The following FRMD8 variants were observed in gnomAD, a reference collection of about 807,000 sequenced individuals.
The protein encoded by FRMD8 is FERM domain containing 8, also known as FERM domain-containing protein 8.
Under a neutral mutation model 54.2 loss-of-function variants are expected in FRMD8, and 37 were observed. The ratio of observed to expected loss-of-function variants is 0.68; its 90% confidence interval spans 0.53 to 0.90. The LOEUF is 0.90. Ranked by LOEUF, FRMD8 falls within the 40% of genes least tolerant of loss-of-function variation. The pLI is 0.00. For missense variants in FRMD8, 585 were observed against 653.7 expected (o/e 0.89, Z 1.15); for synonymous variants, 246 against 286.9 (o/e 0.86, Z 1.44).
chr11:65,377,052 G>A, the FRMD8 span: 3 of 1,613,998 alleles, frequency 1.9e-6, no homozygotes, highest in Non-Finnish European at 2.5e-6. Context: ...ACTTTGATGA[G>A]GTCAAAAGGA....
At chr11:65,410,674 C>T (rs1308991693) in intron 10 of FRMD8, among the ~76,000 whole-genome samples, 1 of 152,150 alleles carries the variant, frequency 6.6e-6, no homozygotes, top group Non-Finnish European at 1.5e-5. Context: ...CCTGTAGTCC[C>T]AGCTTCTCAG....
the FRMD8 span, chr11:65,376,461 G>A: frequency 2.2e-5 from 35 of 1,614,202 alleles, no homozygotes; most frequent in East Asian, 2.2e-5. Flanking sequence ...CAGCATTGAC[G>A]GGAAAGGCGC....
At position 65,405,050 on chromosome 11, in the gene FRMD8, A is replaced by C; in HGVS notation, c.1258A>C (p.Ile420Leu). The change falls in exon 10 of 11, where the codon ATC (isoleucine) becomes CTC (leucine). Residue 420 changes from isoleucine (I) to leucine (L), a missense_variant. Transcript: ENST00000317568. ...CAGCCGGATCCAGCATCTCTCCACC[A>C]TCGACTACGTGGAGGACGGTGAGCA... ...VSSRIQHLST[I>L]DYVEDGKGIR... 6.2e-7 allele frequency: 1 copy of C among 1,613,330 alleles called. No homozygotes were observed. The highest frequency in any genetic ancestry group is 8.5e-7 in the Non-Finnish European group (1 of 1,179,864).
rs564427858 is a variant in FRMD8, at chr11:65,404,624, C to T, written c.1072-240C>T. ...AGCCTTCCTGGGCTGTGCCTTCTGACCAGAATGTTCTTTCTTTCCCACCTG... is the reference window on the plus strand; with the variant it reads ...AGCCTTCCTGGGCTGTGCCTTCTGATCAGAATGTTCTTTCTTTCCCACCTG... On this transcript the variant is annotated intron_variant, in intron 9 of 10. Transcript: ENST00000317568. This position sits in a 1 kb window ranked among gnomAD's most constrained non-coding sequence, Gnocchi z 4.7. Among the ~76,000 whole-genome samples the T allele has an allele frequency of 2.4e-4, 37 of 152,026 alleles. No homozygotes were observed. The highest frequency in any genetic ancestry group is 4.3e-4 in the Non-Finnish European group (29 of 67,964).
rs1855889995 is a variant in FRMD8, at chr11:65,393,819, C to G, written c.355+145C>G. The G allele has an allele frequency of 3.7e-6, 3 of 816,856 alleles. No homozygotes were observed. The South Asian group carries it at 5.1e-5, about 14-fold the overall frequency. The allele number at this position is 816,856 out of a possible 1,614,324, so 50.6% of individuals were successfully genotyped here. On this transcript the variant is annotated intron_variant, in intron 4 of 10. Transcript: ENST00000317568. ...TCTCCCCCAGGCTCCGTCAGCCACC[C>G]CTGGCAGGGGAGGAAGGGGTCCCTG...
the FRMD8 span, among the ~76,000 whole-genome samples, chr11:65,372,412 G>A: frequency 1.3e-5 from 2 of 152,038 alleles, no homozygotes; most frequent in Non-Finnish European, 2.9e-5. Context: ...ATGGATTGGT[G>A]GAAGGAACTT....
intron 2 of FRMD8, among the ~76,000 whole-genome samples, chr11:65,388,634 G>A (rs1855779920): frequency 6.6e-6 from 1 of 152,096 alleles, no homozygotes; most frequent in Admixed American, 6.5e-5. Flanking sequence ...GCTCTTCCAG[G>A]TGTCTCCATT....
At chr11:65,408,244 T>G (rs1471650822) in intron 10 of FRMD8, among the ~76,000 whole-genome samples, 2 of 151,814 alleles carry the variant, frequency 1.3e-5, no homozygotes, top group Non-Finnish European at 2.9e-5. Flanking sequence ...CCAGCTAATT[T>G]TGTATTTTTA....
chr11:65,386,695 T>C lies in FRMD8; in HGVS notation c.-67T>C. 3.2e-6 allele frequency: 1 copy of C among 309,340 alleles called. No individual in the cohort carries two copies. Among genetic ancestry groups the C allele is most frequent in the Non-Finnish European group, 6.0e-6 (1 of 167,876 alleles). The allele number at this position is 309,340 out of a possible 1,614,324, so 19.2% of individuals were successfully genotyped here. A position where few individuals can be genotyped will look rare whatever the true frequency, so the allele number is the denominator to read the frequency against. On this transcript the variant is annotated 5_prime_UTR_variant, in exon 1 of 11. Transcript: ENST00000317568. ...GCCCGAGTGCGGGCGGTGGCGGGCT[T>C]GGCGGCGGGGCAGGATTCCAGGCAG...
At chr11:65,373,926 C>T in the FRMD8 span, among the ~76,000 whole-genome samples, 2 of 152,184 alleles carry the variant, frequency 1.3e-5, no homozygotes, top group Non-Finnish European at 2.9e-5. Flanking sequence ...CCATGGACCA[C>T]ACTTGGATTA....
intron 2 of FRMD8, among the ~76,000 whole-genome samples, chr11:65,388,937 A>G (rs7929792): frequency 3.9e-5 from 6 of 152,046 alleles, no homozygotes; most frequent in Non-Finnish European, 7.4e-5. Flanking sequence ...CAGCCTCTCT[A>G]TGCTGTGGTT....
the FRMD8 span, among the ~76,000 whole-genome samples, chr11:65,369,868 A>C: frequency 6.6e-6 from 1 of 151,166 alleles, no homozygotes; most frequent in African/African-American, 2.4e-5. Context: ...TCCCGTCTCT[A>C]CTAAAAATAC....
the FRMD8 span, chr11:65,376,999 G>A: frequency 1.9e-6 from 3 of 1,613,756 alleles, no homozygotes; most frequent in African/African-American, 2.7e-5. Context: ...GGGGTGGGGG[G>A]CTCCCTGGCT....
At chr11:65,376,156 T>C in the FRMD8 span, 1 of 519,712 alleles carries the variant, frequency 1.9e-6, no homozygotes, top group Non-Finnish European at 3.5e-6. Flanking sequence ...CACTTGTGCC[T>C]CATGCTCCCT....
chr11:65,376,815 T>TA, the FRMD8 span: 1 of 1,614,220 alleles, frequency 6.2e-7, no homozygotes, highest in African/African-American at 1.3e-5. Context: ...CCACTTTACT[T>TA]ACTGGGATTC....
intron 10 of FRMD8, among the ~76,000 whole-genome samples, chr11:65,405,709 C>T (rs989858701): frequency 4.6e-5 from 7 of 152,066 alleles, no homozygotes; most frequent in African/African-American, 1.7e-4. Context: ...GGTAAAAATA[C>T]AGTACCCAGG....
the FRMD8 span, among the ~76,000 whole-genome samples, chr11:65,374,998 GA>G: frequency 6.6e-6 from 1 of 151,964 alleles, no homozygotes; most frequent in African/African-American, 2.4e-5. Context: ...AAAAGAAAAA[GA>G]AAACAAGCAC....
chr11:65,373,345 G>C, the FRMD8 span, among the ~76,000 whole-genome samples: 12 of 152,370 alleles, frequency 7.9e-5, no homozygotes, highest in African/African-American at 2.9e-4. Context: ...TTCCATAGGA[G>C]GAGCAGAGAC....
At chr11:65,408,148 C>T (rs1362980083) in intron 10 of FRMD8, among the ~76,000 whole-genome samples, 2 of 149,582 alleles carry the variant, frequency 1.3e-5, no homozygotes, top group South Asian at 2.1e-4. Flanking sequence ...GATATCGGCT[C>T]ACCGCAACCT....
Sources: gnomAD v4.1 joint callset for allele counts (sites outside exome capture counted in the v4.1 genomes callset) on GRCh38, gnomAD v4.1.1 for gene constraint, Gnocchi (gnomAD v3.1) non-coding constraint, MANE v1.5 for transcripts, NCBI Gene and HGNC (gene_info 2026-07-23, HGNC 2026-07-21) for gene names.